Variants in PPP1R12A observed in about 807,000 individuals in gnomAD.
The protein encoded by PPP1R12A is myosin binding subunit.
In PPP1R12A, 19 loss-of-function variants were observed where a neutral mutation model predicts 139.6. That is an observed-to-expected ratio of 0.14 (90% confidence interval 0.09 to 0.20). The LOEUF (loss-of-function observed/expected upper bound fraction) is 0.20. PPP1R12A is among the 10% of genes least tolerant of loss of function. The probability of loss-of-function intolerance (pLI) is 1.00; values close to 1 mark genes in which losing one functional copy is unlikely to be tolerated. For synonymous variants in PPP1R12A, 427 were observed against 420.6 expected, an observed-to-expected ratio of 1.02 and a Z score of -0.19; for missense variants, 925 against 1,211.5, an observed-to-expected ratio of 0.76 and a Z score of 3.51.
chr12:79,805,542 T>G (rs1873718009), intron 14 of PPP1R12A, 50 bp downstream of exon 14: 2 of 1,539,822 alleles, frequency 1.3e-6, no homozygotes, highest in East Asian at 4.6e-5. Context: ...AAAAACAACT[T>G]TCATCACTGG....
intron 2 of PPP1R12A, among the ~76,000 whole-genome samples, chr12:79,854,941 G>A (rs562099034): frequency 6.6e-6 from 1 of 152,130 alleles, no homozygotes; most frequent in African/African-American, 2.4e-5. Flanking sequence ...TCAAGGTGTT[G>A]GGATTATAGG....
rs543596434 is a variant in PPP1R12A at position 79,934,198 on chromosome 12, A to G, written c.237+497T>C. Among the ~76,000 whole-genome samples, 16 of 152,280 alleles carry G rather than the reference A, an allele frequency of 1.1e-4. No individual in the cohort carries two copies. In the South Asian group the frequency reaches 3.1e-3, roughly 30 times the overall value. ...CTTAGGGCTCTAGATTACTATTATTATCATCATTTGTAATCAAGTCCTAAA... is the reference window on the plus strand; with the variant it reads ...CTTAGGGCTCTAGATTACTATTATTGTCATCATTTGTAATCAAGTCCTAAA... On this transcript the variant is annotated intron_variant, in intron 1 of 24. Coordinates refer to ENST00000450142, the MANE Select transcript of PPP1R12A (RefSeq NM_002480.3).
intron 9 of PPP1R12A, among the ~76,000 whole-genome samples, chr12:79,812,496 G>A (rs963055556): frequency 1.3e-5 from 2 of 151,252 alleles, no homozygotes; most frequent in African/African-American, 4.9e-5. Context: ...CCCTTCCAGA[G>A]CCTGCTCTTG....
chr12:79,929,761 T>C (rs1888110481), intron 1 of PPP1R12A, among the ~76,000 whole-genome samples: 1 of 149,996 alleles, frequency 6.7e-6, no homozygotes, highest in African/African-American at 2.5e-5. Flanking sequence ...AGAATGAGAC[T>C]CCATCTCAAA....
At chr12:79,783,295 C>CAAA (rs5799441) in intron 22 of PPP1R12A, among the ~76,000 whole-genome samples, 5,302 of 116,976 alleles carry the variant, frequency 0.045, 326 homozygotes, top group African/African-American at 0.14. Flanking sequence ...CCGTCTCTAC[C>CAAA]AAAAAAAAAA....
At chr12:79,837,204 TG>T (rs1434942738) in intron 3 of PPP1R12A, among the ~76,000 whole-genome samples, 1 of 152,044 alleles carries the variant, frequency 6.6e-6, no homozygotes, top group African/African-American at 2.4e-5. Context: ...AAAACTAAAT[TG>T]GGTATAACAA....
intron 14 of PPP1R12A, among the ~76,000 whole-genome samples, chr12:79,799,011 T>C (rs987652380): frequency 5.3e-5 from 8 of 152,186 alleles, no homozygotes; most frequent in African/African-American, 1.9e-4. Context: ...TCTCCAGCCC[T>C]GAAAACATCC....
At chr12:79,796,118 A>C (rs1159400612) in intron 17 of PPP1R12A, among the ~76,000 whole-genome samples, 1 of 152,152 alleles carries the variant, frequency 6.6e-6, no homozygotes, top group South Asian at 2.1e-4. Flanking sequence ...AATTGGGAAA[A>C]AACTTTATTT....
Position 79,913,386 on chromosome 12 carries a change from C to T in PPP1R12A, c.237+21309G>A, listed in dbSNP as rs372073980. Among the ~76,000 whole-genome samples, 11 of 152,284 alleles carry T rather than the reference C, an allele frequency of 7.2e-5. 1 individual carries two copies. The East Asian group carries it at 7.7e-4, about 11-fold the overall frequency. Reference sequence around the variant, plus strand: ...TTATTTTTGTGTATGGTATAAGGTACGGGGGAGATGAAGATGAACTTTTTC... The same window carrying T: ...TTATTTTTGTGTATGGTATAAGGTATGGGGGAGATGAAGATGAACTTTTTC... On this transcript the variant is annotated intron_variant, in intron 1 of 24. Coordinates refer to ENST00000450142, the MANE Select transcript of PPP1R12A (RefSeq NM_002480.3).
chr12:79,932,534 G>A, intron 1 of PPP1R12A, among the ~76,000 whole-genome samples: 1 of 152,154 alleles, frequency 6.6e-6, no homozygotes, highest in East Asian at 1.9e-4. Flanking sequence ...GGAGATTATC[G>A]GGTCAAACCC....
At chr12:79,906,676 C>T (rs1018427981) in intron 1 of PPP1R12A, among the ~76,000 whole-genome samples, 6 of 151,932 alleles carry the variant, frequency 3.9e-5, no homozygotes, top group Non-Finnish European at 8.8e-5. Flanking sequence ...ACTCTGTTGT[C>T]CAGGCTGGAC....
rs1872591670 is a variant in PPP1R12A at position 79,797,195 on chromosome 12, CTCA to C, written c.2289_2291del (p.Asp763del). ...AAATGTGCTTTTGATATACTGTTACCTCATCATACGTTCTGGAGTACTTTTGTT... is the reference window on the plus strand; with the variant it reads ...AAATGTGCTTTTGATATACTGTTACCTCATACGTTCTGGAGTACTTTTGTT... On this transcript the variant is annotated inframe_deletion and splice_region_variant, in exon 16 of 25. Transcript: ENST00000450142. 2 of 1,578,508 alleles carry C rather than the reference CTCA, an allele frequency of 1.3e-6. No individual in the cohort carries two copies. The highest frequency in any genetic ancestry group is 1.8e-5 in the Admixed American group (1 of 54,552).
At chr12:79,874,637 A>G (rs1027658996) in intron 1 of PPP1R12A, among the ~76,000 whole-genome samples, 7 of 152,136 alleles carry the variant, frequency 4.6e-5, no homozygotes, top group African/African-American at 1.7e-4. Context: ...ATCTTCAGTA[A>G]TTCTTAAGAA....
intron 1 of PPP1R12A, among the ~76,000 whole-genome samples, chr12:79,934,197 TATC>T (rs984838735): frequency 1.3e-5 from 2 of 152,174 alleles, no homozygotes; most frequent in Admixed American, 6.5e-5. Context: ...TTACTATTAT[TATC>T]ATCATTTGTA....
chr12:79,928,383 A>G (rs867568921), intron 1 of PPP1R12A, among the ~76,000 whole-genome samples: 1 of 152,094 alleles, frequency 6.6e-6, no homozygotes, highest in Non-Finnish European at 1.5e-5. Context: ...CACCCCATAT[A>G]TGGCTAGGGT....
intron 3 of PPP1R12A, among the ~76,000 whole-genome samples, chr12:79,843,463 A>G (rs955321004): frequency 1.3e-5 from 2 of 151,758 alleles, no homozygotes; most frequent in Non-Finnish European, 2.9e-5. Flanking sequence ...CTGTAATCCC[A>G]GCTACTCGGG....
chr12:79,846,393 A>G (rs1879395048), intron 2 of PPP1R12A, among the ~76,000 whole-genome samples: 1 of 152,108 alleles, frequency 6.6e-6, no homozygotes, highest in African/African-American at 2.4e-5. Flanking sequence ...CTACTGAACG[A>G]TGTAACTAAC....
chr12:79,837,944 C>T (rs1384393876), intron 3 of PPP1R12A, among the ~76,000 whole-genome samples: 1 of 152,028 alleles, frequency 6.6e-6, no homozygotes, highest in Non-Finnish European at 1.5e-5. Context: ...AATTTGGTAT[C>T]GGGTAGTGGG....
chr12:79,925,415 T>C (rs1002287531), intron 1 of PPP1R12A, among the ~76,000 whole-genome samples: 4 of 152,230 alleles, frequency 2.6e-5, no homozygotes, highest in Non-Finnish European at 4.4e-5. Flanking sequence ...TACAATCTTA[T>C]GATTTTATTG....
Sources: gnomAD v4.1 joint callset for allele counts (sites outside exome capture counted in the v4.1 genomes callset) on GRCh38, gnomAD v4.1.1 for gene constraint, MANE v1.5 for transcripts, NCBI Gene and HGNC (gene_info 2026-07-23, HGNC 2026-07-21) for gene names.